Variants in EXO1 observed in about 807,000 individuals in gnomAD.
EXO1 encodes exonuclease 1.
EXO1 carries 69 observed loss-of-function variants against 84.5 expected under a neutral mutation model. That is an observed-to-expected ratio of 0.82 (90% CI 0.67 to 1.00). EXO1 has a LOEUF of 1.00. Among genes scored for constraint, EXO1 ranks in the 50% least tolerant of loss-of-function variants. The pLI, the probability that EXO1 is intolerant of heterozygous loss-of-function variation, is 0.00. For missense variants in EXO1, 1,045 were observed against 1,000.7 expected (o/e 1.04, Z -0.60); for synonymous variants, 373 against 366.1 (o/e 1.02, Z -0.21).
Position 241,879,113 on chromosome 1 carries a change from A to G in EXO1, c.1879A>G (p.Ser627Gly). The change falls in exon 13 of 16, where the codon AGC becomes GGC. Residue 627 changes from serine to glycine, a missense_variant. Transcript: ENST00000366548. The stretch of plus-strand genomic sequence containing the variant: ...TTCAAGAACGCCGAGCCCCTCTCCA[A>G]GCACAGCATTGCAGCAGTTCCGAAG... The part of the protein sequence containing the change: ...DFSRTPSPSP[S>G]TALQQFRRKS... 1.2e-6 allele frequency: 2 copies of G among 1,613,716 alleles called. No individual in the cohort carries two copies. The highest frequency in any genetic ancestry group is 1.7e-6 in the Non-Finnish European group (2 of 1,179,576).
In EXO1 at chr1:241,878,990, T is replaced by G; in HGVS notation, c.1756T>G (p.Tyr586Asp). 1 of 1,613,980 alleles carries G rather than the reference T, an allele frequency of 6.2e-7. No individual in the cohort carries two copies. Among genetic ancestry groups the G allele is most frequent in the Non-Finnish European group, 8.5e-7 (1 of 1,179,820 alleles). Residue 586 changes from tyrosine (Y) to aspartate (D), a missense_variant, in exon 13 of 16, where the codon TAC (tyrosine) becomes GAC (aspartate). Physicochemically the swap from Tyr to Asp is radical, Grantham distance 160. Coordinates refer to ENST00000366548, the MANE Select transcript of EXO1 (RefSeq NM_130398.4). ...AACAGTGTTTACAGATGAAGAGTCC[T>G]ACTCTTTTGAGAGCAGCAAATTTAC... ...KATVFTDEES[Y>D]SFESSKFTRT... is the part of the protein sequence containing the mutation.
At chr1:241,889,185 G>A (rs1663240658) in intron 15 of EXO1, among the ~76,000 whole-genome samples, 1 of 152,184 alleles carries the variant, frequency 6.6e-6, no homozygotes, top group Non-Finnish European at 1.5e-5. Flanking sequence ...AAGAATTAAA[G>A]TATTGGAATC....
chr1:241,867,081 C>A lies in EXO1; in HGVS notation c.1267+26C>A, dbSNP rs372956746. The A allele has an allele frequency of 3.3e-5, 50 of 1,506,140 alleles. No individual in the cohort carries two copies. The Admixed American group carries it at 8.2e-4, about 25-fold the overall frequency. The allele number at this position is 1,506,140 out of a possible 1,614,324, so 93.3% of individuals were successfully genotyped here. A position where few individuals can be genotyped will look rare whatever the true frequency, so the allele number is the denominator to read the frequency against. On this transcript the variant is annotated intron_variant, in intron 11 of 15. Coordinates refer to ENST00000366548, the MANE Select transcript of EXO1 (RefSeq NM_130398.4). ...GTACGTATTTCAGTTTTGCAAAATG[C>A]TGGTGAATATTGGTCATATTTAAAG... is the stretch of plus-strand genomic sequence containing the variant.
chr1:241,856,032 C>T (rs1243557935), intron 6 of EXO1, among the ~76,000 whole-genome samples: 1 of 152,244 alleles, frequency 6.6e-6, no homozygotes, highest in Non-Finnish European at 1.5e-5. Flanking sequence ...TCCCACAGAG[C>T]AGCGGTGGGC....
chr1:241,850,279 C>CAAA (rs375640251), intron 3 of EXO1, 130 bp from the exon 4 acceptor site: 179 of 518,362 alleles, frequency 3.5e-4, no homozygotes, highest in Admixed American at 8.1e-4. Context: ...GACTCCGTCT[C>CAAA]AAAAAAAAAA....
intron 14 of EXO1, among the ~76,000 whole-genome samples, chr1:241,882,659 C>T (rs1160890797): frequency 6.6e-6 from 1 of 152,076 alleles, no homozygotes; most frequent in Non-Finnish European, 1.5e-5. Context: ...AGGTCATAAA[C>T]AGGTCACAAA....
At chr1:241,875,264 A>G (rs1197062831) in intron 12 of EXO1, among the ~76,000 whole-genome samples, 1 of 152,152 alleles carries the variant, frequency 6.6e-6, no homozygotes, top group Non-Finnish European at 1.5e-5. Flanking sequence ...TTGTCCTCCC[A>G]AAGTGCTGGG....
chr1:241,885,238 A>AAAT, intron 14 of EXO1, 76 bp from the exon 15 acceptor site: 2 of 849,054 alleles, frequency 2.4e-6, no homozygotes, highest in Non-Finnish European at 3.6e-6. Flanking sequence ...ATAAATAAGT[A>AAAT]AAGAATAAAG....
chr1:241,855,746 C>T (rs1038335381), intron 6 of EXO1, among the ~76,000 whole-genome samples: 1 of 152,234 alleles, frequency 6.6e-6, no homozygotes, highest in Non-Finnish European at 1.5e-5. Flanking sequence ...GCTAAGGCCC[C>T]GCGAGAAATA....
At chr1:241,865,185 A>G (rs897010786) in intron 10 of EXO1, among the ~76,000 whole-genome samples, 2 of 147,780 alleles carry the variant, frequency 1.4e-5, no homozygotes, top group Non-Finnish European at 3.0e-5. Context: ...CATTATATAT[A>G]TATATATATA....
chr1:241,878,964 C>T lies in EXO1; in HGVS notation c.1730C>T (p.Ala577Val). 2 of 1,614,096 alleles carry T rather than the reference C, an allele frequency of 1.2e-6. No homozygotes were observed. Among genetic ancestry groups the T allele is most frequent in the South Asian group, 1.1e-5 (1 of 91,084 alleles). The change falls in exon 13 of 16, where the codon GCA (alanine) becomes GTA (valine). Residue 577 changes from alanine (A) to valine (V), a missense_variant. By Grantham distance (64) the Ala-to-Val change is moderately conservative. Coordinates refer to ENST00000366548, the MANE Select transcript of EXO1 (RefSeq NM_130398.4). ...HIPGDHIPDK[A>V]TVFTDEESYS... ...CCAGGTGATCATATTCCAGACAAGG[C>T]AACAGTGTTTACAGATGAAGAGTCC... is the stretch of plus-strand genomic sequence containing the variant.
chr1:241,860,515 A>C lies in EXO1; in HGVS notation c.757-2A>C, dbSNP rs1382666297. 6.2e-7 allele frequency: 1 copy of C among 1,608,180 alleles called. No individual in the cohort carries two copies. Among genetic ancestry groups the C allele is most frequent in the Admixed American group, 1.7e-5 (1 of 60,014 alleles). ...ATAAAATATTTTTGCATGCATTGTT[A>C]GGTTATCAAGAAAATTGGACATTAT... On this transcript the variant is annotated splice_acceptor_variant, in intron 8 of 15. Coordinates refer to ENST00000366548, the MANE Select transcript of EXO1 (RefSeq NM_130398.4). LOFTEE classifies it high-confidence loss of function.
chr1:241,877,399 A>C (rs1662460913), intron 12 of EXO1, among the ~76,000 whole-genome samples: 1 of 152,144 alleles, frequency 6.6e-6, no homozygotes, highest in African/African-American at 2.4e-5. Flanking sequence ...GTTGATTTAA[A>C]AATGAATTTG....
intron 10 of EXO1, among the ~76,000 whole-genome samples, chr1:241,865,265 G>A (rs922680305): frequency 8.9e-5 from 13 of 146,762 alleles, no homozygotes; most frequent in Non-Finnish European, 3.0e-5. Flanking sequence ...AGGCTGGCAC[G>A]CGGTGGCATG....
intron 10 of EXO1, among the ~76,000 whole-genome samples, chr1:241,863,705 A>G (rs935770619): frequency 6.6e-6 from 1 of 152,202 alleles, no homozygotes; most frequent in African/African-American, 2.4e-5. Context: ...TAAACCTTAC[A>G]CTCAGGTTGC....
chr1:241,884,676 T>TGTGCACGA (rs1247623968), intron 14 of EXO1, among the ~76,000 whole-genome samples: 1 of 141,532 alleles, frequency 7.1e-6, no homozygotes, highest in South Asian at 2.3e-4. Context: ...TGTGTGTGTG[T>TGTGCACGA]GCACGTGCAC....
At chr1:241,878,290 G>C (rs1487516778) in intron 12 of EXO1, among the ~76,000 whole-genome samples, 1 of 152,202 alleles carries the variant, frequency 6.6e-6, no homozygotes, top group Non-Finnish European at 1.5e-5. Flanking sequence ...CCTGAGATCA[G>C]GAGTTTGAGA....
intron 6 of EXO1, among the ~76,000 whole-genome samples, chr1:241,856,843 C>A (rs1484193437): frequency 6.6e-6 from 1 of 152,184 alleles, no homozygotes; most frequent in Non-Finnish European, 1.5e-5. Flanking sequence ...CCAGCCTAGA[C>A]AACATGGCAA....
chr1:241,861,413 G>T lies in EXO1; in HGVS notation c.952G>T (p.Asp318Tyr). ...ETLSYAGQYV[D>Y]DSIALQIALG... is the part of the protein sequence containing the mutation. ...TTAATCTTGCTAATCTAGATATGTT[G>T]ATGATTCCATAGCTCTTCAAATAGC... The change falls in exon 10 of 16, where the codon GAT becomes TAT. Residue 318 changes from aspartate to tyrosine, a missense_variant. Coordinates refer to ENST00000366548, the MANE Select transcript of EXO1 (RefSeq NM_130398.4). 1 of 1,480,628 alleles carries T rather than the reference G, an allele frequency of 6.8e-7. No homozygotes were observed. The highest frequency in any genetic ancestry group is 9.5e-7 in the Non-Finnish European group (1 of 1,058,152). 91.7% of individuals were successfully genotyped at this position (1,480,628 alleles called of 1,614,324 possible).
Sources: gnomAD v4.1 joint callset for allele counts (sites outside exome capture counted in the v4.1 genomes callset) on GRCh38, gnomAD v4.1.1 for gene constraint, MANE v1.5 for transcripts, NCBI Gene and HGNC (gene_info 2026-07-23, HGNC 2026-07-21) for gene names.